BTNL3: variants seen among roughly 807,000 people sequenced by gnomAD.
BTNL3 encodes butyrophilin like 3, also known as butyrophilin-like protein 3.
Under a neutral mutation model 40.1 loss-of-function variants are expected in BTNL3, and 20 were observed. That is an observed-to-expected ratio of 0.50 (90% CI 0.35 to 0.72). The LOEUF (loss-of-function observed/expected upper bound fraction) is 0.72. BTNL3 is among the 30% of genes least tolerant of loss of function. The pLI, the probability that BTNL3 is intolerant of heterozygous loss-of-function variation, is 0.01. For missense variants in BTNL3, 449 were observed against 582.2 expected (o/e 0.77, Z 2.35); for synonymous variants, 179 against 222.1 (o/e 0.81, Z 1.73).
chr5:180,989,763 G>A (rs1438869758), intron 1 of BTNL3, among the ~76,000 whole-genome samples: 1 of 136,542 alleles, frequency 7.3e-6, no homozygotes, highest in South Asian at 2.2e-4. Context: ...AAGTTCATTT[G>A]ACTGTGTTCA....
intron 2 of BTNL3, among the ~76,000 whole-genome samples, chr5:180,994,619 A>C (rs1760010774): frequency 7.4e-6 from 1 of 134,926 alleles, no homozygotes; most frequent in African/African-American, 2.5e-5. Flanking sequence ...ATACTCTTTC[A>C]GCTCTCTCTC....
At chr5:181,004,902 C>A in intron 7 of BTNL3, 140 bp downstream of exon 7, 2 of 1,520,362 alleles carry the variant, frequency 1.3e-6, no homozygotes, top group Non-Finnish European at 1.8e-6. Context: ...AAATACACTT[C>A]TTGGCCCAGG....
In BTNL3 at chr5:181,003,003, T is replaced by C. The variant is rs527815047; in HGVS notation, c.787+218T>C. On this transcript the variant is annotated intron_variant, in intron 4 of 7. Transcript: ENST00000342868. ...AGCCTCTGCCAATCCCTTTCTACTT[T>C]ACATGGAGCACAGGATAAGCAGATA... Among the ~76,000 whole-genome samples, 63 of 135,768 alleles carry C rather than the reference T, an allele frequency of 4.6e-4. 14 individuals carry two copies. Among genetic ancestry groups the C allele is most frequent in the South Asian group, 3.5e-3 (16 of 4,598 alleles). 89.1% of individuals were successfully genotyped at this position (135,768 alleles called of 152,430 possible). A position where few individuals can be genotyped will look rare whatever the true frequency, so the allele number is the denominator to read the frequency against.
In BTNL3 at chr5:181,005,216, A is replaced by G. The variant is rs1394605567; in HGVS notation, c.863-118A>G. 3 of 1,528,570 alleles carry G rather than the reference A, an allele frequency of 2.0e-6. No homozygotes were observed. In the Admixed American group the frequency reaches 5.5e-5, roughly 28 times the overall value. The allele number at this position is 1,528,570 out of a possible 1,614,324, so 94.7% of individuals were successfully genotyped here. ...GGAGAAGGTACATGGCTGGTGGGATAGTGGGACTGGCCGGATCCTACCCGG... is the reference window on the plus strand; with the variant it reads ...GGAGAAGGTACATGGCTGGTGGGATGGTGGGACTGGCCGGATCCTACCCGG... On this transcript the variant is annotated intron_variant, in intron 7 of 7. Transcript: ENST00000342868.
Position 180,997,399 on chromosome 5 carries a change from T to A in BTNL3, c.584T>A (p.Ile195Asn), listed in dbSNP as rs762580712. 6.8e-7 allele frequency: 1 copy of A among 1,463,340 alleles called. No homozygotes were observed. The highest frequency in any genetic ancestry group is 2.4e-5 in the East Asian group (1 of 41,012). 90.6% of individuals were successfully genotyped at this position (1,463,340 alleles called of 1,614,324 possible). The change falls in exon 3 of 8, where the codon ATT becomes AAT. Residue 195 changes from isoleucine (I) to asparagine (N), a missense_variant. By Grantham distance (149) the Ile-to-Asn change is moderately radical. This residue lies in a region of BTNL3 where 323 missense variants were observed against 464.9 expected (regional missense o/e 0.69). Transcript: ENST00000342868. Reference protein sequence around the residue: ...GYSLYDVEISIIVQENAGSIL... With the variant: ...GYSLYDVEISNIVQENAGSIL... Reference sequence around the variant, plus strand: ...AGCCTGTATGATGTGGAGATCTCCATTATAGTCCAGGAAAATGCTGGGAGC... The same window carrying A: ...AGCCTGTATGATGTGGAGATCTCCAATATAGTCCAGGAAAATGCTGGGAGC...
At chr5:180,989,188 T>A (rs1759939692) in intron 1 of BTNL3, 111 bp downstream of exon 1, 1 of 1,197,236 alleles carries the variant, frequency 8.4e-7, no homozygotes, top group South Asian at 1.5e-5. Flanking sequence ...GGTGCTTGCA[T>A]TCTCCAGCTT....
At chr5:180,993,861 T>A (rs1760003371) in intron 2 of BTNL3, among the ~76,000 whole-genome samples, 1 of 137,222 alleles carries the variant, frequency 7.3e-6, no homozygotes, top group African/African-American at 2.5e-5. Flanking sequence ...AGTGCAGTGG[T>A]GTGATCTCAG....
chr5:180,996,598 T>C (rs137957978), intron 2 of BTNL3, among the ~76,000 whole-genome samples: 1 of 136,872 alleles, frequency 7.3e-6, no homozygotes, highest in African/African-American at 2.5e-5. Flanking sequence ...TCATCTGGAA[T>C]ATAAATATTC....
In BTNL3 at chr5:181,005,996, A is replaced by C; in HGVS notation, c.*124A>C. ...CTGCGCACAGAGAGTCACGCCCCCC[A>C]CTCTCCTTTAGGGAGCTGAGGTTCT... On this transcript the variant is annotated 3_prime_UTR_variant, in exon 8 of 8. Transcript: ENST00000342868. 1.8e-6 allele frequency: 2 copies of C among 1,114,818 alleles called. No homozygotes were observed. Among genetic ancestry groups the C allele is most frequent in the Non-Finnish European group, 2.5e-6 (2 of 802,952 alleles). 69.1% of individuals were successfully genotyped at this position (1,114,818 alleles called of 1,614,324 possible).
chr5:180,993,288 TG>T lies in BTNL3; in HGVS notation c.397+132del, dbSNP rs1225231909. Reference sequence around the variant, plus strand: ...CTGACATGATGTAAAAAGGCTTCGGTGGGGATCACTGACCTGAGGTTTCTGG... The same window carrying T: ...CTGACATGATGTAAAAAGGCTTCGGTGGGATCACTGACCTGAGGTTTCTGG... On this transcript the variant is annotated intron_variant, in intron 2 of 7. Coordinates refer to ENST00000342868, the MANE Select transcript of BTNL3 (RefSeq NM_197975.3). The T allele has an allele frequency of 1.6e-6, 2 of 1,269,528 alleles. 1 individual carries two copies. The highest frequency in any genetic ancestry group is 3.0e-5 in the African/African-American group (2 of 67,434). 78.6% of individuals were successfully genotyped at this position (1,269,528 alleles called of 1,614,324 possible). A position where few individuals can be genotyped will look rare whatever the true frequency, so the allele number is the denominator to read the frequency against.
intron 3 of BTNL3, among the ~76,000 whole-genome samples, chr5:180,998,023 G>T (rs561489658): frequency 7.4e-6 from 1 of 136,008 alleles, no homozygotes; most frequent in Non-Finnish European, 1.7e-5. Flanking sequence ...GCAGTGAGCC[G>T]AGATGGCACC....
chr5:181,003,098 G>A lies in BTNL3; in HGVS notation c.787+313G>A, dbSNP rs1000254824. Among the ~76,000 whole-genome samples the A allele has an allele frequency of 1.5e-5, 2 of 136,630 alleles. 1 individual carries two copies. The highest frequency in any genetic ancestry group is 5.0e-5 in the African/African-American group (2 of 39,656). 89.6% of individuals were successfully genotyped at this position (136,630 alleles called of 152,430 possible). A position where few individuals can be genotyped will look rare whatever the true frequency, so the allele number is the denominator to read the frequency against. The stretch of plus-strand genomic sequence containing the variant: ...AGGCTGAGTGCCGTGGCTCGTGTCT[G>A]TAATCCCAGCACTTTGGGAGGCCGA... On this transcript the variant is annotated intron_variant, in intron 4 of 7. Transcript: ENST00000342868.
In BTNL3 at chr5:180,999,059, G is replaced by A. The variant is rs1030756361; in HGVS notation, c.673+1571G>A. Among the ~76,000 whole-genome samples, 8 of 136,178 alleles carry A rather than the reference G, an allele frequency of 5.9e-5. 1 individual carries two copies. The highest frequency in any genetic ancestry group is 1.2e-4 in the Non-Finnish European group (7 of 59,604). The allele number at this position is 136,178 out of a possible 152,430, so 89.3% of individuals were successfully genotyped here. On this transcript the variant is annotated intron_variant, in intron 3 of 7. Coordinates refer to ENST00000342868, the MANE Select transcript of BTNL3 (RefSeq NM_197975.3). ...GGAGAATTGCTTGAACCCGGGAGGCGGAGGTTGCGGTGAGCCGAGATCATG... is the reference window on the plus strand; with the variant it reads ...GGAGAATTGCTTGAACCCGGGAGGCAGAGGTTGCGGTGAGCCGAGATCATG...
Position 180,997,251 on chromosome 5 carries a change from G to A in BTNL3, c.436G>A (p.Val146Ile). Residue 146 changes from valine to isoleucine, a missense_variant, in exon 3 of 8, where the codon GTT becomes ATT. Physicochemically the swap from Val to Ile is conservative, Grantham distance 29. This residue lies in a region of BTNL3 where 323 missense variants were observed against 464.9 expected (regional missense o/e 0.69). Transcript: ENST00000342868. ...SLPLISIVGY[V>I]DGGIQLLCLS... ...TCCTCTCATTTCCATCGTGGGATAT[G>A]TTGACGGAGGTATCCAGTTACTCTG... 1 of 1,464,590 alleles carries A rather than the reference G, an allele frequency of 6.8e-7. No individual in the cohort carries two copies. The highest frequency in any genetic ancestry group is 9.4e-7 in the Non-Finnish European group (1 of 1,059,496). 90.7% of individuals were successfully genotyped at this position (1,464,590 alleles called of 1,614,324 possible). A position where few individuals can be genotyped will look rare whatever the true frequency, so the allele number is the denominator to read the frequency against.
At chr5:180,998,548 A>G (rs1760063213) in intron 3 of BTNL3, among the ~76,000 whole-genome samples, 1 of 136,894 alleles carries the variant, frequency 7.3e-6, no homozygotes, top group Admixed American at 7.7e-5. Context: ...CACACTTGGA[A>G]CTTTTATAAA....
At chr5:181,003,835 A>G in intron 4 of BTNL3, 21 bp from the exon 5 acceptor site, 4 of 1,614,020 alleles carry the variant, frequency 2.5e-6, no homozygotes, top group Non-Finnish European at 3.4e-6. Context: ...TCCACCACTG[A>G]ATATACTGTT....
chr5:180,990,866 A>G (rs1194650508), intron 1 of BTNL3, among the ~76,000 whole-genome samples: 1 of 137,586 alleles, frequency 7.3e-6, no homozygotes, highest in Non-Finnish European at 1.7e-5. Flanking sequence ...ACTGGGACCC[A>G]GTCCCACTGG....
rs192677295 is a variant in BTNL3 at position 180,996,345 on chromosome 5, G to A, written c.398-868G>A. On this transcript the variant is annotated intron_variant, in intron 2 of 7. Transcript: ENST00000342868. ...GGAGTCACTTCAGTAGTTGCATGGC[G>A]GGTCACTCTCCTCCGGAGTGTTCTC... Among the ~76,000 whole-genome samples the A allele has an allele frequency of 2.1e-4, 29 of 135,688 alleles. 4 individuals are homozygous for A. The highest frequency in any genetic ancestry group is 6.6e-4 in the African/African-American group (26 of 39,556). 89.0% of individuals were successfully genotyped at this position (135,688 alleles called of 152,430 possible).
At position 181,004,739 on chromosome 5, in the gene BTNL3, T is replaced by G; in HGVS notation, c.839T>G (p.Leu280Trp). 1 of 1,614,162 alleles carries G rather than the reference T, an allele frequency of 6.2e-7. No homozygotes were observed. The highest frequency in any genetic ancestry group is 1.1e-5 in the South Asian group (1 of 91,080). ...DWRRKHGQAE[L>W]RDARKHAVEV... Reference sequence around the variant, plus strand: ...TGCTCTCTCTGCTTGCTTTCAGAATTGAGAGACGCCCGGAAACACGCAGGT... The same window carrying G: ...TGCTCTCTCTGCTTGCTTTCAGAATGGAGAGACGCCCGGAAACACGCAGGT... The change falls in exon 7 of 8, where the codon TTG becomes TGG. Residue 280 changes from leucine (L) to tryptophan (W), a missense_variant. Transcript: ENST00000342868.
Sources: allele counts gnomAD v4.1 joint callset (sites outside exome capture counted in the v4.1 genomes callset), GRCh38; gene constraint gnomAD v4.1.1; regional missense constraint gnomAD v4.1.1; transcripts MANE v1.5; gene names NCBI Gene and HGNC (gene_info 2026-07-23, HGNC 2026-07-21).